AHR: variants seen among roughly 807,000 people sequenced by gnomAD.
AHR encodes the protein AH-receptor.
A neutral mutation model predicts 86.8 loss-of-function variants in AHR; 40 were observed. That is an observed-to-expected ratio of 0.46 (90% confidence interval 0.36 to 0.60). AHR has a LOEUF of 0.60. AHR is among the 20% of genes least tolerant of loss of function. The pLI is 0.00. For missense variants in AHR, 1,001 were observed against 1,011.6 expected (o/e 0.99, Z 0.14); for synonymous variants, 398 against 354.9 (o/e 1.12, Z -1.37).
chr7:17,338,123 C>T (rs962331718), intron 9 of AHR, among the ~76,000 whole-genome samples: 10 of 148,846 alleles, frequency 6.7e-5, no homozygotes, highest in Admixed American at 2.0e-4. Context: ...GGCGTGAACC[C>T]GGGAGGCGGA....
chr7:17,310,679 C>T (rs997830362), intron 2 of AHR, among the ~76,000 whole-genome samples: 2 of 151,720 alleles, frequency 1.3e-5, no homozygotes, highest in African/African-American at 4.8e-5. Flanking sequence ...GGATTATAGG[C>T]GCCCACCACC....
In AHR at chr7:17,307,184, A is replaced by G. The variant is rs186492601; in HGVS notation, c.66-2752A>G. On this transcript the variant is annotated intron_variant, in intron 1 of 10. Coordinates refer to ENST00000242057, the MANE Select transcript of AHR (RefSeq NM_001621.5). ...GGAGGGATACCTTTATGTTACTATT[A>G]GTTCTCCCTGTGTCATAGCATGTTG... Among the ~76,000 whole-genome samples the G allele has an allele frequency of 1.6e-3, 238 of 152,202 alleles. 1 individual carries two copies. The highest frequency in any genetic ancestry group is 2.9e-3 in the Non-Finnish European group (200 of 67,984).
chr7:17,324,327 T>C (rs1198411995), intron 3 of AHR, among the ~76,000 whole-genome samples: 1 of 152,230 alleles, frequency 6.6e-6, no homozygotes, highest in Non-Finnish European at 1.5e-5. Context: ...TGGAAATGGC[T>C]GTTTGATTAT....
intron 3 of AHR, among the ~76,000 whole-genome samples, chr7:17,322,985 G>A (rs796827001): frequency 2.0e-5 from 3 of 151,998 alleles, no homozygotes; most frequent in South Asian, 2.1e-4. Flanking sequence ...ACTGTATAGC[G>A]TAAGTGTATG....
intron 2 of AHR, among the ~76,000 whole-genome samples, chr7:17,318,894 A>G (rs1055602855): frequency 1.3e-5 from 2 of 152,116 alleles, no homozygotes; most frequent in Admixed American, 6.6e-5. Context: ...TAAGGAAGAG[A>G]AAATATATTT....
chr7:17,322,071 A>C (rs1584035629), intron 2 of AHR, among the ~76,000 whole-genome samples: 1 of 152,016 alleles, frequency 6.6e-6, no homozygotes, highest in African/African-American at 2.4e-5. Flanking sequence ...CCAGTTCCCT[A>C]ATATTTCAAT....
chr7:17,334,049 G>T lies in AHR; in HGVS notation c.843G>T (p.Arg281=). 1 of 1,613,442 alleles carries T rather than the reference G, an allele frequency of 6.2e-7. No homozygotes were observed. The change falls in exon 7 of 11, where the codon CGG becomes CGT. Residue 281 remains arginine (R), a synonymous_variant. Coordinates refer to ENST00000242057, the MANE Select transcript of AHR (RefSeq NM_001621.5). ...AGCCACCATCCATACTTGAAATCCGGACCAAAAATTTTATCTTTAGAACCA... is the reference window on the plus strand; with the variant it reads ...AGCCACCATCCATACTTGAAATCCGTACCAAAAATTTTATCTTTAGAACCA... ...PLQPPSILEI[R]TKNFIFRTKH...
At chr7:17,311,662 G>C (rs1782065639) in intron 2 of AHR, among the ~76,000 whole-genome samples, 1 of 152,124 alleles carries the variant, frequency 6.6e-6, no homozygotes, top group Non-Finnish European at 1.5e-5. Flanking sequence ...ATATTTCAAA[G>C]TTTCATAGTA....
At chr7:17,322,332 C>T (rs1782183065) in intron 2 of AHR, among the ~76,000 whole-genome samples, 169 bp from the exon 3 acceptor site, 1 of 152,032 alleles carries the variant, frequency 6.6e-6, no homozygotes, top group African/African-American at 2.4e-5. Context: ...CCACTGGCAA[C>T]AGGATTACTT....
At chr7:17,310,716 A>G (rs1158565731) in intron 2 of AHR, among the ~76,000 whole-genome samples, 1 of 151,760 alleles carries the variant, frequency 6.6e-6, no homozygotes, top group Non-Finnish European at 1.5e-5. Flanking sequence ...TTGTATTTTT[A>G]TTAGAGATGG....
At chr7:17,309,856 G>A in intron 1 of AHR, 80 bp from the exon 2 acceptor site, 1 of 1,172,344 alleles carries the variant, frequency 8.5e-7, no homozygotes, top group Non-Finnish European at 1.2e-6. Context: ...AGAAATATTT[G>A]AGGAGATGTT....
intron 2 of AHR, among the ~76,000 whole-genome samples, chr7:17,318,351 T>G (rs1782137157): frequency 6.6e-6 from 1 of 152,120 alleles, no homozygotes; most frequent in South Asian, 2.1e-4. Flanking sequence ...GTTAAATGCA[T>G]GTGGGAATAA....
chr7:17,316,089 G>T (rs1026222523), intron 2 of AHR, among the ~76,000 whole-genome samples: 1 of 152,140 alleles, frequency 6.6e-6, no homozygotes, highest in East Asian at 1.9e-4. Context: ...TGATAGAGTT[G>T]ACTTAAGATA....
Position 17,343,067 on chromosome 7 carries a change from C to A in AHR, c.*3C>A. 6.2e-7 allele frequency: 1 copy of A among 1,613,448 alleles called. No individual in the cohort carries two copies. Among genetic ancestry groups the A allele is most frequent in the South Asian group, 1.1e-5 (1 of 90,856 alleles). Reference sequence around the variant, plus strand: ...TGACATCCAGTGGATTCCTGTAATTCCAAGCCCAATTTTGACCCTGGTTTT... The same window carrying A: ...TGACATCCAGTGGATTCCTGTAATTACAAGCCCAATTTTGACCCTGGTTTT... On this transcript the variant is annotated 3_prime_UTR_variant, in exon 11 of 11. Transcript: ENST00000242057.
At chr7:17,330,471 T>G (rs1782275845) in intron 5 of AHR, among the ~76,000 whole-genome samples, 1 of 151,924 alleles carries the variant, frequency 6.6e-6, no homozygotes, top group African/African-American at 2.4e-5. Flanking sequence ...CAAAAAATGT[T>G]TTTGGAAATT....
intron 2 of AHR, among the ~76,000 whole-genome samples, chr7:17,318,124 A>G (rs1782134662): frequency 6.6e-6 from 1 of 152,170 alleles, no homozygotes; most frequent in African/African-American, 2.4e-5. Context: ...AAAAGGGGAT[A>G]TGCTTTCCCT....
intron 2 of AHR, among the ~76,000 whole-genome samples, chr7:17,312,700 C>T (rs2115354420): frequency 6.6e-6 from 1 of 152,278 alleles, no homozygotes; most frequent in South Asian, 2.1e-4. Context: ...TATTCTGGTT[C>T]AGTGTATTTG....
intron 2 of AHR, among the ~76,000 whole-genome samples, chr7:17,321,594 T>TACACATACAC (rs1782173327): frequency 6.8e-6 from 1 of 147,636 alleles, no homozygotes; most frequent in Admixed American, 6.8e-5. Flanking sequence ...ACCACACACA[T>TACACATACAC]ACACACACAC....
intron 2 of AHR, among the ~76,000 whole-genome samples, chr7:17,314,295 A>G (rs1425813836): frequency 1.3e-5 from 2 of 152,188 alleles, no homozygotes; most frequent in East Asian, 1.9e-4. Context: ...ATCATTATAC[A>G]TGCTTAAAAT....
Sources: allele counts gnomAD v4.1 joint callset (sites outside exome capture counted in the v4.1 genomes callset), GRCh38; gene constraint gnomAD v4.1.1; transcripts MANE v1.5; gene names NCBI Gene and HGNC (gene_info 2026-07-23, HGNC 2026-07-21).